Variants in KCNIP4 observed in about 807,000 individuals in gnomAD.
KCNIP4 encodes potassium voltage-gated channel interacting protein 4, also known as Kv channel-interacting protein 4.
Under a neutral mutation model 34.0 loss-of-function variants are expected in KCNIP4, and 12 were observed. The ratio of observed to expected loss-of-function variants is 0.35; its 90% CI spans 0.23 to 0.57. KCNIP4 has a LOEUF of 0.57. Among genes scored for constraint, KCNIP4 ranks in the 20% least tolerant of loss-of-function variants. The pLI, the probability that KCNIP4 is intolerant of heterozygous loss-of-function variation, is 0.83. For missense variants in KCNIP4, 238 were observed against 311.7 expected (o/e 0.76, Z 1.78); for synonymous variants, 124 against 102.2 (o/e 1.21, Z -1.29).
At chr4:21,093,688 TC>T (rs1747198793) in intron 1 of KCNIP4, among the ~76,000 whole-genome samples, 1 of 152,126 alleles carries the variant, frequency 6.6e-6, no homozygotes, top group African/African-American at 2.4e-5. Context: ...TGACAAAACT[TC>T]TTTTTAGTAA....
At chr4:20,748,161 G>A (rs960390755) in intron 5 of KCNIP4, among the ~76,000 whole-genome samples, 35 of 152,088 alleles carry the variant, frequency 2.3e-4, no homozygotes, top group African/African-American at 7.5e-4. Context: ...CTACAAGATA[G>A]TCCAATCTCC....
At chr4:21,451,239 TTCCCATCTG>T (rs1728485200) in intron 1 of KCNIP4, among the ~76,000 whole-genome samples, 1 of 152,114 alleles carries the variant, frequency 6.6e-6, no homozygotes, top group African/African-American at 2.4e-5. Context: ...CGAGATCTCT[TTCCCATCTG>T]GCATTTTGTG....
intron 1 of KCNIP4, among the ~76,000 whole-genome samples, chr4:21,686,573 A>C (rs190509464): frequency 6.6e-6 from 1 of 152,342 alleles, no homozygotes; most frequent in African/African-American, 2.4e-5. Context: ...ACATAAATCA[A>C]CCATAAGATG....
intron 1 of KCNIP4, among the ~76,000 whole-genome samples, chr4:21,358,925 G>A (rs1718936886): frequency 6.6e-6 from 1 of 151,994 alleles, no homozygotes; most frequent in Non-Finnish European, 1.5e-5. Context: ...GACCAAACCA[G>A]TGTTCATCTT....
chr4:21,217,466 C>A (rs375991207), intron 1 of KCNIP4, among the ~76,000 whole-genome samples: 1 of 151,956 alleles, frequency 6.6e-6, no homozygotes, highest in African/African-American at 2.4e-5. Flanking sequence ...ATTTGAGAAA[C>A]GACTATCAAA....
At chr4:20,897,433 C>G (rs528284319) in intron 1 of KCNIP4, among the ~76,000 whole-genome samples, 1 of 152,082 alleles carries the variant, frequency 6.6e-6, no homozygotes, top group African/African-American at 2.4e-5. Context: ...TGTGTCCTCA[C>G]GAAACTACTT....
chr4:21,400,500 T>TCTCCTCTCTTCTCCAC (rs1560369068), intron 1 of KCNIP4, among the ~76,000 whole-genome samples: 3 of 103,302 alleles, frequency 2.9e-5, no homozygotes, highest in East Asian at 8.1e-4. Flanking sequence ...CTCCCCTCCC[T>TCTCCTCTCTTCTCCAC]TCCCCTCCCT....
chr4:20,849,404 G>T (rs867247981), intron 3 of KCNIP4, among the ~76,000 whole-genome samples: 35 of 152,144 alleles, frequency 2.3e-4, no homozygotes, highest in Non-Finnish European at 2.4e-4. Context: ...TGTGCAATGC[G>T]CATGCAGAAA....
chr4:21,539,239 A>G (rs559469057), intron 1 of KCNIP4, among the ~76,000 whole-genome samples: 1 of 152,170 alleles, frequency 6.6e-6, no homozygotes, highest in Admixed American at 6.6e-5. Context: ...AATCCATCCA[A>G]TGCATAAAAG....
chr4:21,619,834 G>A (rs1487778039), intron 1 of KCNIP4, among the ~76,000 whole-genome samples: 1 of 152,174 alleles, frequency 6.6e-6, no homozygotes, highest in African/African-American at 2.4e-5. Context: ...CAAAAACTCA[G>A]ATATTAAAAA....
At chr4:21,476,245 T>TCTAC (rs1203902360) in intron 1 of KCNIP4, among the ~76,000 whole-genome samples, 2 of 152,192 alleles carry the variant, frequency 1.3e-5, no homozygotes, top group Non-Finnish European at 2.9e-5. Context: ...TATCTATCTA[T>TCTAC]TGAGTTTTTC....
intron 1 of KCNIP4, among the ~76,000 whole-genome samples, chr4:21,576,771 A>G (rs1427323407): frequency 6.6e-6 from 1 of 152,110 alleles, no homozygotes; most frequent in African/African-American, 2.4e-5. Context: ...TATGATAATA[A>G]TTATCTTATA....
At chr4:21,759,433 A>G (rs1418546019) in intron 1 of KCNIP4, among the ~76,000 whole-genome samples, 1 of 152,222 alleles carries the variant, frequency 6.6e-6, no homozygotes, top group African/African-American at 2.4e-5. Flanking sequence ...AAAGAAATGA[A>G]CATCTTCAAC....
intron 1 of KCNIP4, among the ~76,000 whole-genome samples, chr4:21,298,038 A>G (rs935244774): frequency 3.3e-5 from 5 of 152,156 alleles, no homozygotes; most frequent in African/African-American, 9.7e-5. Flanking sequence ...TAAGCAAGTT[A>G]TTATTCTCCC....
In KCNIP4 at chr4:20,805,188, T is replaced by TC. The variant is rs1211850995; in HGVS notation, c.288+45354_288+45355insG. On this transcript the variant is annotated intron_variant, in intron 3 of 8. Transcript: ENST00000382152. ...GCAGAAAATATCATAGATGCTTCCT[T>TC]TTTTTTTTTTTTTTTTTTTTTTTTT... Among the ~76,000 whole-genome samples the TC allele has an allele frequency of 1.3e-3, 7 of 5,294 alleles. 2 individuals are homozygous for TC. Among genetic ancestry groups the TC allele is most frequent in the African/African-American group, 1.4e-3 (2 of 1,386 alleles). 3.5% of individuals were successfully genotyped at this position (5,294 alleles called of 152,430 possible).
intron 1 of KCNIP4, among the ~76,000 whole-genome samples, chr4:21,743,944 T>A (rs1399317121): frequency 1.3e-5 from 2 of 151,680 alleles, no homozygotes; most frequent in African/African-American, 2.4e-5. Flanking sequence ...GCCTGATTAC[T>A]CCAGAGGCTA....
At chr4:21,326,964 TTTG>T (rs953112825) in intron 1 of KCNIP4, among the ~76,000 whole-genome samples, 3 of 152,032 alleles carry the variant, frequency 2.0e-5, no homozygotes, top group African/African-American at 7.2e-5. Context: ...TTTTAAACTT[TTTG>T]TTGTTTCTGT....
chr4:21,614,199 A>T (rs1250042138), intron 1 of KCNIP4, among the ~76,000 whole-genome samples: 1 of 151,888 alleles, frequency 6.6e-6, no homozygotes, highest in Non-Finnish European at 1.5e-5. Flanking sequence ...CCTTTAGCTG[A>T]GTAGAATGAG....
intron 1 of KCNIP4, among the ~76,000 whole-genome samples, chr4:21,276,123 C>A (rs375800492): frequency 3.9e-5 from 6 of 152,184 alleles, no homozygotes; most frequent in Admixed American, 3.9e-4. Flanking sequence ...TCTGTCCAAC[C>A]GGGTAACAAA....
Sources: allele counts gnomAD v4.1 joint callset (sites outside exome capture counted in the v4.1 genomes callset), GRCh38; gene constraint gnomAD v4.1.1; transcripts MANE v1.5; gene names NCBI Gene and HGNC (gene_info 2026-07-23, HGNC 2026-07-21).